TRIM24: variants seen among roughly 807,000 people sequenced by gnomAD.
The protein encoded by TRIM24 is transcription intermediary factor 1-alpha.
Under a neutral mutation model 123.9 loss-of-function variants are expected in TRIM24, and 29 were observed. The ratio of observed to expected loss-of-function variants is 0.23; its 90% confidence interval spans 0.17 to 0.32. The LOEUF is 0.32. Among genes scored for constraint, TRIM24 ranks in the 10% least tolerant of loss-of-function variants. TRIM24 has a pLI of 1.00. For synonymous variants in TRIM24, 456 were observed against 461.1 expected, an observed-to-expected ratio of 0.99 and a Z score of 0.14; for missense variants, 932 against 1,295.3, an observed-to-expected ratio of 0.72 and a Z score of 4.31.
intron 1 of TRIM24, among the ~76,000 whole-genome samples, chr7:138,484,666 T>C (rs1338161817): frequency 2.0e-5 from 3 of 152,158 alleles, no homozygotes; most frequent in African/African-American, 4.8e-5. Context: ...ACTGCCCTTA[T>C]GAATTTTTTT....
rs200633383 is a variant in TRIM24 at position 138,533,458 on chromosome 7, A to G, written c.996+4228A>G. ...GAATTTTGTCAAAGGCCTTTCCTGCATCTATTGAGATAATCATGTAGTTTT... is the reference window on the plus strand; with the variant it reads ...GAATTTTGTCAAAGGCCTTTCCTGCGTCTATTGAGATAATCATGTAGTTTT... On this transcript the variant is annotated intron_variant, in intron 6 of 18. Transcript: ENST00000343526. 1.2e-3 allele frequency among the ~76,000 whole-genome samples: 181 copies of G among 152,332 alleles called. 1 individual carries two copies. The South Asian group carries it at 0.015, about 12-fold the overall frequency.
At position 138,576,354 on chromosome 7, in the gene TRIM24, A is replaced by G; in HGVS notation, c.2015-19A>G. ...AATTATTCATTCGTTTTATGAATGT[A>G]TGGTTTCCCCCTCCTCAGGACCTGT... is the stretch of plus-strand genomic sequence containing the variant. On this transcript the variant is annotated intron_variant, in intron 12 of 18. Transcript: ENST00000343526. 2 of 1,609,184 alleles carry G rather than the reference A, an allele frequency of 1.2e-6. No individual in the cohort carries two copies. The highest frequency in any genetic ancestry group is 1.7e-6 in the Non-Finnish European group (2 of 1,175,872).
At chr7:138,507,359 A>T (rs1584706823) in intron 2 of TRIM24, among the ~76,000 whole-genome samples, 1 of 132,392 alleles carries the variant, frequency 7.6e-6, no homozygotes, top group Non-Finnish European at 1.6e-5. Context: ...TTCATCTGTA[A>T]TTTTTTTTTT....
At position 138,479,325 on chromosome 7, in the gene TRIM24, C is replaced by T. The variant is rs1156509015; in HGVS notation, c.364+18413C>T. ...TTCCTTGTCTGCTATATTTTTATCA[C>T]TCCTTCCCTTTCCCTTAGAAGTTAA... On this transcript the variant is annotated intron_variant, in intron 1 of 18. Coordinates refer to ENST00000343526, the MANE Select transcript of TRIM24 (RefSeq NM_015905.3). Among the ~76,000 whole-genome samples, 3 of 152,140 alleles carry T rather than the reference C, an allele frequency of 2.0e-5. No individual in the cohort carries two copies. The East Asian group carries it at 5.8e-4, about 29-fold the overall frequency.
At position 138,460,910 on chromosome 7, in the gene TRIM24, A is replaced by T; in HGVS notation, c.362A>T (p.Gln121Leu). 6.7e-7 allele frequency: 1 copy of T among 1,488,280 alleles called. No homozygotes were observed. Among genetic ancestry groups the T allele is most frequent in the Non-Finnish European group, 8.9e-7 (1 of 1,127,670 alleles). The allele number at this position is 1,488,280 out of a possible 1,614,324, so 92.2% of individuals were successfully genotyped here. Residue 121 changes from glutamine to leucine, a missense_variant and splice_region_variant, in exon 1 of 19, where the codon CAA becomes CTA. Gln to Leu is a moderately radical substitution (Grantham distance 113). Transcript: ENST00000343526. ...AGCGGCTCGTCGCCGTTCGCCACCC[A>T]AGGTGAGAACCGGCCGCGGCCGCTG... ...PVSGSSPFAT[Q>L]VGVIRCPVCS... is the part of the protein sequence containing the mutation.
At position 138,580,147 on chromosome 7, in the gene TRIM24, T is replaced by C. The variant is rs146207664; in HGVS notation, c.2586-415T>C. ...GGTTAAGAGCCATTGGGTTGATCTC[T>C]CAGTTCTTGGAAGGCCATACTTTTG... On this transcript the variant is annotated intron_variant, in intron 15 of 18. Coordinates refer to ENST00000343526, the MANE Select transcript of TRIM24 (RefSeq NM_015905.3). Among the ~76,000 whole-genome samples the C allele has an allele frequency of 1.2e-3, 189 of 152,292 alleles. 2 individuals are homozygous for C. Among genetic ancestry groups the C allele is most frequent in the Non-Finnish European group, 1.6e-3 (111 of 68,034 alleles).
At position 138,589,225 on chromosome 7, in the gene TRIM24, G is replaced by A. The variant is rs1798066435; in HGVS notation, c.*4274G>A. 1 of 152,110 alleles carries A rather than the reference G, an allele frequency of 6.6e-6. No individual in the cohort carries two copies. Among genetic ancestry groups the A allele is most frequent in the Admixed American group, 6.5e-5 (1 of 15,272 alleles). The allele number at this position is 152,110 out of a possible 1,614,324, so 9.4% of individuals were successfully genotyped here. ...ATACTGGTGTCATGTTTCTGAGTGA[G>A]AATAATGCTAGTCAGTCAGATCACA... On this transcript the variant is annotated 3_prime_UTR_variant, in exon 19 of 19. Coordinates refer to ENST00000343526, the MANE Select transcript of TRIM24 (RefSeq NM_015905.3).
intron 9 of TRIM24, among the ~76,000 whole-genome samples, chr7:138,559,779 T>G (rs1266083453): frequency 1.3e-5 from 2 of 152,206 alleles, no homozygotes; most frequent in African/African-American, 2.4e-5. Context: ...CCTGCAACTT[T>G]AACAGCAGTG....
chr7:138,567,776 T>A, intron 10 of TRIM24, 122 bp downstream of exon 10: 1 of 1,061,050 alleles, frequency 9.4e-7, no homozygotes, highest in Non-Finnish European at 1.3e-6. Context: ...TTTTTCATTT[T>A]TTAAATAAAT....
chr7:138,518,696 A>G (rs1232136694), intron 3 of TRIM24, among the ~76,000 whole-genome samples: 1 of 152,038 alleles, frequency 6.6e-6, no homozygotes, highest in African/African-American at 2.4e-5. Flanking sequence ...GAGGTCTCAC[A>G]GTGTTCCCAG....
At chr7:138,556,180 A>G (rs1797312673) in intron 9 of TRIM24, 1 of 152,196 alleles carries the variant, frequency 6.6e-6, no homozygotes, top group Non-Finnish European at 1.5e-5. Context: ...AAATAAAAAC[A>G]TTGCTATGGC....
At chr7:138,463,771 C>A (rs77261541) in intron 1 of TRIM24, among the ~76,000 whole-genome samples, 3,609 of 151,862 alleles carry the variant, frequency 0.024, 122 homozygotes, top group African/African-American at 0.079. Context: ...CTGTATTGTA[C>A]GCAAGAGTTC....
At position 138,577,634 on chromosome 7, in the gene TRIM24, G is replaced by GGTGA. The variant is rs1208044693; in HGVS notation, c.2256+48_2256+51dup. On this transcript the variant is annotated intron_variant, in intron 14 of 18. Coordinates refer to ENST00000343526, the MANE Select transcript of TRIM24 (RefSeq NM_015905.3). ...TGCTATTCCTATGCATGGTGGGTAGGGTGAGAGAATCTTTTAAATAGCTCT... is the reference window on the plus strand; with the variant it reads ...TGCTATTCCTATGCATGGTGGGTAGGGTGAGTGAGAGAATCTTTTAAATAGCTCT... 3 of 1,428,368 alleles carry GGTGA rather than the reference G, an allele frequency of 2.1e-6. No individual in the cohort carries two copies. In the African/African-American group the frequency reaches 4.4e-5, roughly 21 times the overall value. The allele number at this position is 1,428,368 out of a possible 1,614,324, so 88.5% of individuals were successfully genotyped here.
intron 2 of TRIM24, among the ~76,000 whole-genome samples, chr7:138,508,700 C>CGCGCGCGCGTGTGT (rs1182276337): frequency 2.8e-4 from 10 of 35,510 alleles, no homozygotes; most frequent in Admixed American, 2.3e-3. Context: ...TGTGCGCGCG[C>CGCGCGCGCGTGTGT]GTGTGTGCGT....
At chr7:138,529,088 T>G (rs779859710) in intron 5 of TRIM24, 28 bp from the exon 6 acceptor site, 8 of 1,402,608 alleles carry the variant, frequency 5.7e-6, no homozygotes, top group Non-Finnish European at 6.8e-6. Flanking sequence ...AAAAACTGCC[T>G]TATGTTTTTC....
At chr7:138,537,313 G>C (rs1208649609) in intron 6 of TRIM24, among the ~76,000 whole-genome samples, 1 of 151,024 alleles carries the variant, frequency 6.6e-6, no homozygotes, top group Non-Finnish European at 1.5e-5. Context: ...CACTCACGCT[G>C]GGAGCTGTAG....
At chr7:138,500,431 C>T (rs1464985345) in intron 1 of TRIM24, among the ~76,000 whole-genome samples, 3 of 151,680 alleles carry the variant, frequency 2.0e-5, no homozygotes, top group African/African-American at 7.3e-5. Flanking sequence ...AGTGTGGTGG[C>T]ACAGGCCTGT....
intron 7 of TRIM24, among the ~76,000 whole-genome samples, chr7:138,547,032 G>GT (rs1384026612): frequency 1.3e-5 from 2 of 152,276 alleles, no homozygotes; most frequent in Admixed American, 6.5e-5. Context: ...TGGAATCAGT[G>GT]TAAGTATTCA....
chr7:138,517,395 G>A (rs1225680493), intron 3 of TRIM24, among the ~76,000 whole-genome samples: 1 of 147,446 alleles, frequency 6.8e-6, no homozygotes, highest in Non-Finnish European at 1.5e-5. Context: ...TTTTTAGACA[G>A]AATCTCACTC....
Sources: gnomAD v4.1 joint callset for allele counts (sites outside exome capture counted in the v4.1 genomes callset) on GRCh38, gnomAD v4.1.1 for gene constraint, MANE v1.5 for transcripts, NCBI Gene and HGNC (gene_info 2026-07-23, HGNC 2026-07-21) for gene names.